The following ARHGEF28 variants were observed in gnomAD, a reference collection of about 807,000 sequenced individuals.
ARHGEF28 encodes 190 kDa guanine nucleotide exchange factor.
ARHGEF28 carries 152 observed loss-of-function variants against 206.6 expected under a neutral mutation model. The observed-to-expected ratio is 0.74, with a 90% CI of 0.64 to 0.84. ARHGEF28 has a LOEUF of 0.84. Among genes scored for constraint, ARHGEF28 ranks in the 40% least tolerant of loss-of-function variants. ARHGEF28 has a pLI of 0.00. For missense variants in ARHGEF28, 2,028 were observed against 2,073.2 expected (o/e 0.98, Z 0.42); for synonymous variants, 763 against 776.4 (o/e 0.98, Z 0.29).
intron 2 of ARHGEF28, among the ~76,000 whole-genome samples, chr5:73,704,459 C>G (rs950816538): frequency 1.3e-5 from 2 of 152,112 alleles, no homozygotes; most frequent in Admixed American, 6.5e-5. Context: ...GGGTCTCACT[C>G]TGTCACCCAG....
At chr5:73,693,707 G>A (rs1436416506) in intron 2 of ARHGEF28, among the ~76,000 whole-genome samples, 1 of 152,202 alleles carries the variant, frequency 6.6e-6, no homozygotes, top group Non-Finnish European at 1.5e-5. Flanking sequence ...ACAGCAGCAT[G>A]TGCATCTCAG....
chr5:73,902,113 T>C (rs1355187424), intron 31 of ARHGEF28: 2 of 152,158 alleles, frequency 1.3e-5, no homozygotes, highest in Admixed American at 1.3e-4. Context: ...ATATTTTACA[T>C]ATTATATACT....
intron 11 of ARHGEF28, among the ~76,000 whole-genome samples, chr5:73,845,253 T>A (rs1195340633): frequency 6.6e-6 from 1 of 152,134 alleles, no homozygotes; most frequent in African/African-American, 2.4e-5. Context: ...TCTGACCTCA[T>A]GATCCGCCCA....
intron 9 of ARHGEF28, among the ~76,000 whole-genome samples, chr5:73,802,942 G>T (rs984923490): frequency 6.7e-5 from 10 of 149,496 alleles, no homozygotes; most frequent in African/African-American, 2.5e-4. Context: ...GTTTTATACT[G>T]AGTATCCAGT....
intron 4 of ARHGEF28, among the ~76,000 whole-genome samples, chr5:73,771,262 G>T (rs1580595796): frequency 6.6e-6 from 1 of 152,270 alleles, no homozygotes; most frequent in African/African-American, 2.4e-5. Context: ...TTCCATCCGG[G>T]CTGGGTGCGG....
intron 1 of ARHGEF28, among the ~76,000 whole-genome samples, chr5:73,673,446 G>A (rs918303472): frequency 7.9e-5 from 12 of 152,172 alleles, no homozygotes; most frequent in Non-Finnish European, 1.5e-4. Context: ...ATAAAATTCT[G>A]TGGAGCTTTA....
chr5:73,766,151 CT>C (rs1258489502), intron 4 of ARHGEF28, among the ~76,000 whole-genome samples: 1 of 137,972 alleles, frequency 7.2e-6, no homozygotes, highest in Admixed American at 7.0e-5. Context: ...AGGACTCCAT[CT>C]CAAAAAAAAA....
intron 10 of ARHGEF28, among the ~76,000 whole-genome samples, chr5:73,834,167 CA>C (rs1757465417): frequency 1.3e-5 from 2 of 152,128 alleles, no homozygotes; most frequent in South Asian, 4.1e-4. Flanking sequence ...TAATTAAGCA[CA>C]TATATCATCT....
At chr5:73,809,551 A>G (rs952193432) in intron 9 of ARHGEF28, among the ~76,000 whole-genome samples, 3 of 152,218 alleles carry the variant, frequency 2.0e-5, no homozygotes, top group Admixed American at 6.5e-5. Context: ...CTTGCCCACA[A>G]AAAATTTTGG....
intron 2 of ARHGEF28, among the ~76,000 whole-genome samples, chr5:73,707,857 T>A (rs1749026410): frequency 1.3e-5 from 2 of 152,184 alleles, no homozygotes; most frequent in East Asian, 1.9e-4. Flanking sequence ...GTTATGTATA[T>A]CTCTGGAAAA....
chr5:73,856,783 A>G (rs1759068427), intron 14 of ARHGEF28, among the ~76,000 whole-genome samples: 1 of 152,170 alleles, frequency 6.6e-6, no homozygotes, highest in African/African-American at 2.4e-5. Flanking sequence ...TTTAGGGGGT[A>G]GGAGAGACTT....
At chr5:73,857,486 G>T (rs766407861) in intron 14 of ARHGEF28, among the ~76,000 whole-genome samples, 170 bp from the exon 15 acceptor site, 3 of 151,288 alleles carry the variant, frequency 2.0e-5, no homozygotes, top group Non-Finnish European at 4.4e-5. Context: ...ATGCTATAGG[G>T]TGTATTTTTA....
intron 2 of ARHGEF28, among the ~76,000 whole-genome samples, chr5:73,714,181 G>A (rs73762170): frequency 0.045 from 6,901 of 152,130 alleles, 524 homozygotes; most frequent in African/African-American, 0.16. Context: ...GTTAATTATC[G>A]TTATTATCAT....
chr5:73,909,865 C>T lies in ARHGEF28; in HGVS notation c.4615C>T (p.Leu1539=), dbSNP rs941840190. 12 of 1,528,648 alleles carry T rather than the reference C, an allele frequency of 7.9e-6. No individual in the cohort carries two copies. The highest frequency in any genetic ancestry group is 9.6e-6 in the Non-Finnish European group (11 of 1,151,468). 94.7% of individuals were successfully genotyped at this position (1,528,648 alleles called of 1,614,324 possible). A position where few individuals can be genotyped will look rare whatever the true frequency, so the allele number is the denominator to read the frequency against. The change falls in exon 34 of 36, where the codon CTG becomes TTG. Residue 1539 remains leucine, a synonymous_variant. Coordinates refer to ENST00000513042, the MANE Select transcript of ARHGEF28 (RefSeq NM_001177693.2). ...CTGGAAGCACGGCCGGCAGAGGAGC[C>T]TGCCCGCGGTGCTCCTTCCGGGTGG... is the stretch of plus-strand genomic sequence containing the variant. ...GHWKHGRQRS[L]PAVLLPGGPE... is the part of the protein sequence containing the mutation.
chr5:73,757,829 G>A (rs1322548881), intron 4 of ARHGEF28, among the ~76,000 whole-genome samples: 1 of 152,120 alleles, frequency 6.6e-6, no homozygotes, highest in African/African-American at 2.4e-5. Context: ...GTAAAGCATT[G>A]AATAGTAATA....
At chr5:73,864,447 G>A (rs1455713961) in intron 16 of ARHGEF28, among the ~76,000 whole-genome samples, 1 of 152,096 alleles carries the variant, frequency 6.6e-6, no homozygotes, top group Non-Finnish European at 1.5e-5. Context: ...GTGGGAGTGG[G>A]GAGTTACTAC....
intron 6 of ARHGEF28, among the ~76,000 whole-genome samples, chr5:73,777,287 T>C (rs1454430634): frequency 1.3e-5 from 2 of 152,064 alleles, no homozygotes; most frequent in East Asian, 3.9e-4. Context: ...ATATTAAGAA[T>C]ATTTCCATCT....
chr5:73,824,848 C>T (rs745756350), intron 9 of ARHGEF28, among the ~76,000 whole-genome samples: 1 of 151,892 alleles, frequency 6.6e-6, no homozygotes, highest in Non-Finnish European at 1.5e-5. Flanking sequence ...ACCTGGTGAT[C>T]AGTAGACACT....
intron 2 of ARHGEF28, among the ~76,000 whole-genome samples, chr5:73,703,646 A>AG (rs1748731461): frequency 8.4e-6 from 1 of 119,162 alleles, no homozygotes; most frequent in Admixed American, 8.4e-5. Flanking sequence ...CTTTCCCAGC[A>AG]TTGTGTGTGT....
Sources: allele counts gnomAD v4.1 joint callset (sites outside exome capture counted in the v4.1 genomes callset), GRCh38; gene constraint gnomAD v4.1.1; transcripts MANE v1.5; gene names NCBI Gene and HGNC (gene_info 2026-07-23, HGNC 2026-07-21).